Variants in CELA3A observed in about 807,000 individuals in gnomAD.
The protein encoded by CELA3A is chymotrypsin-like elastase family member 3A.
In CELA3A, 35 loss-of-function variants were observed where a neutral mutation model predicts 38.6. The observed-to-expected ratio is 0.91, with a 90% confidence interval of 0.69 to 1.20. The LOEUF (loss-of-function observed/expected upper bound fraction) is 1.20. CELA3A is among the 50% of genes most tolerant of loss of function. The pLI is 0.00. For synonymous variants in CELA3A, 143 were observed against 136.7 expected, an observed-to-expected ratio of 1.05 and a Z score of -0.32; for missense variants, 343 against 354.2, an observed-to-expected ratio of 0.97 and a Z score of 0.25.
In CELA3A at chr1:22,009,735, A is replaced by G. The variant is rs777120975; in HGVS notation, c.673A>G (p.Thr225Ala). Residue 225 changes from threonine to alanine, a missense_variant, in exon 7 of 8, where the codon ACA becomes GCA. By Grantham distance (58) the Thr-to-Ala change is moderately conservative (BLOSUM62 0). Transcript: ENST00000290122. Reference sequence around the variant, plus strand: ...CTCTGGAGGACCCCTCAACTGCCCCACAGAGGATGGTGGCTGGCAGGTCCA... The same window carrying G: ...CTCTGGAGGACCCCTCAACTGCCCCGCAGAGGATGGTGGCTGGCAGGTCCA... ...GDSGGPLNCPTEDGGWQVHGV... is the reference protein window; with the variant it reads ...GDSGGPLNCPAEDGGWQVHGV... 56 of 1,611,970 alleles carry G rather than the reference A, an allele frequency of 3.5e-5. 1 individual carries two copies. The highest frequency in any genetic ancestry group is 4.7e-5 in the Non-Finnish European group (55 of 1,179,410).
Position 22,003,098 on chromosome 1 carries a change from A to G in CELA3A, c.129+10A>G. The stretch of plus-strand genomic sequence containing the variant: ...CAGCTGGCCCTGGCAGGTAAGAGCA[A>G]TAGCAGCTGCCCTCATTCCCACCGT... On this transcript the variant is annotated intron_variant, in intron 2 of 7. Transcript: ENST00000290122. The G allele has an allele frequency of 6.3e-7, 1 of 1,576,074 alleles. No individual in the cohort carries two copies. The highest frequency in any genetic ancestry group is 1.1e-5 in the South Asian group (1 of 88,802).
At chr1:22,003,451 G>A (rs1373367113) in intron 2 of CELA3A, among the ~76,000 whole-genome samples, 1 of 150,960 alleles carries the variant, frequency 6.6e-6, no homozygotes, top group African/African-American at 2.5e-5. Flanking sequence ...CAATAAGGGA[G>A]TGAGGGATCT....
intron 2 of CELA3A, among the ~76,000 whole-genome samples, chr1:22,004,642 G>C (rs1195324414): frequency 6.6e-6 from 1 of 151,976 alleles, no homozygotes; most frequent in Admixed American, 6.5e-5. Flanking sequence ...TACAAAAACA[G>C]ACCAGAAGCC....
At chr1:22,003,163 C>T (rs959836422) in intron 2 of CELA3A, 75 bp downstream of exon 2, 17 of 1,335,122 alleles carry the variant, frequency 1.3e-5, no homozygotes, top group African/African-American at 5.1e-5. Context: ...GGCATCCAGC[C>T]TTGACACCAT....
At chr1:22,004,076 T>C (rs796568890) in intron 2 of CELA3A, among the ~76,000 whole-genome samples, 114 of 9,624 alleles carry the variant, frequency 0.012, 7 homozygotes, top group African/African-American at 0.095. Context: ...CTTTTCTTTG[T>C]TTTTTTTTTT....
rs1427632135 is a variant in CELA3A, at chr1:22,005,301, G to C, written c.130-146G>C. 51 of 950,622 alleles carry C rather than the reference G, an allele frequency of 5.4e-5. 2 individuals are homozygous for C. The highest frequency in any genetic ancestry group is 5.7e-5 in the Non-Finnish European group (35 of 617,944). 58.9% of individuals were successfully genotyped at this position (950,622 alleles called of 1,614,324 possible). A position where few individuals can be genotyped will look rare whatever the true frequency, so the allele number is the denominator to read the frequency against. On this transcript the variant is annotated intron_variant, in intron 2 of 7. Transcript: ENST00000290122. ...CGGGCAGCTGCCCAGGTCGCAGGTT[G>C]TATGCTGCATATTTCAGTGGGTGCT...
At position 22,001,708 on chromosome 1, in the gene CELA3A, G is replaced by C. The variant is rs770644714; in HGVS notation, c.34G>C (p.Val12Leu). Residue 12 changes from valine (V) to leucine (L), a missense_variant, in exon 1 of 8, where the codon GTG becomes CTG. Physicochemically the swap from Val to Leu is conservative, Grantham distance 32. Transcript: ENST00000290122. Reference protein sequence around the residue: ...MLRLLSSLLLVAVASGYGPPS... With the variant: ...MLRLLSSLLLLAVASGYGPPS... ...CCGGCTGCTCAGTTCCCTCCTCCTTGTGGCCGTTGGTAAGACCCCAACCTG... is the reference window on the plus strand; with the variant it reads ...CCGGCTGCTCAGTTCCCTCCTCCTTCTGGCCGTTGGTAAGACCCCAACCTG... 8.1e-6 allele frequency: 13 copies of C among 1,611,952 alleles called. No homozygotes were observed. Among genetic ancestry groups the C allele is most frequent in the Non-Finnish European group, 7.6e-6 (9 of 1,179,446 alleles).
At chr1:22,005,129 G>T (rs4993601) in intron 2 of CELA3A, among the ~76,000 whole-genome samples, 51,087 of 146,708 alleles carry the variant, frequency 0.35, 3,089 homozygotes, top group Middle Eastern at 0.49. Flanking sequence ...CAGGGCGAGG[G>T]GTGCGTGATA....
chr1:22,007,801 C>G (rs187562209), intron 6 of CELA3A, among the ~76,000 whole-genome samples: 2 of 151,426 alleles, frequency 1.3e-5, no homozygotes, highest in East Asian at 3.9e-4. Context: ...ATACTGGTCC[C>G]ATGACCTCTA....
intron 1 of CELA3A, among the ~76,000 whole-genome samples, 155 bp downstream of exon 1, chr1:22,001,872 G>T (rs377241302): frequency 6.6e-6 from 1 of 151,192 alleles, no homozygotes; most frequent in Non-Finnish European, 1.5e-5. Flanking sequence ...GGGGCTTTCA[G>T]CTTATGATGG....
chr1:22,005,829 C>G, intron 4 of CELA3A, 33 bp downstream of exon 4: 1 of 1,609,406 alleles, frequency 6.2e-7, no homozygotes, highest in Non-Finnish European at 8.5e-7. Flanking sequence ...AACCCAGGGG[C>G]TCCTCTACTT....
At chr1:22,006,728 T>C (rs557737471) in intron 4 of CELA3A, 150 bp from the exon 5 acceptor site, 26 of 723,436 alleles carry the variant, frequency 3.6e-5, no homozygotes, top group East Asian at 3.5e-4. Context: ...ATAATAATAA[T>C]AATAATAATA....
rs918236602 is a variant in CELA3A at position 22,010,153 on chromosome 1, A to G, written c.795+296A>G. On this transcript the variant is annotated intron_variant, in intron 7 of 7. Coordinates refer to ENST00000290122, the MANE Select transcript of CELA3A (RefSeq NM_005747.5). Reference sequence around the variant, plus strand: ...CTCTTGTCAGGGAGGATAGAGAGACATGCCAGACAAGAGGCTGCCTGGTGG... The same window carrying G: ...CTCTTGTCAGGGAGGATAGAGAGACGTGCCAGACAAGAGGCTGCCTGGTGG... 7.2e-6 allele frequency: 3 copies of G among 415,814 alleles called. 1 individual carries two copies. The highest frequency in any genetic ancestry group is 6.4e-5 in the African/African-American group (3 of 46,902). The allele number at this position is 415,814 out of a possible 1,614,324, so 25.8% of individuals were successfully genotyped here. A position where few individuals can be genotyped will look rare whatever the true frequency, so the allele number is the denominator to read the frequency against.
In CELA3A at chr1:22,005,948, G is replaced by A. The variant is rs1264706871; in HGVS notation, c.362+152G>A. 1.1e-5 allele frequency: 15 copies of A among 1,420,748 alleles called. No homozygotes were observed. The East Asian group carries it at 3.5e-4, about 34-fold the overall frequency. 88.0% of individuals were successfully genotyped at this position (1,420,748 alleles called of 1,614,324 possible). On this transcript the variant is annotated intron_variant, in intron 4 of 7. Transcript: ENST00000290122. The stretch of plus-strand genomic sequence containing the variant: ...AGCTGAGTCCAGCAGCCTGTGCCCA[G>A]GTCCCACACACTGAGGATTGAAGCC...
chr1:22,006,764 G>C, intron 4 of CELA3A, 114 bp from the exon 5 acceptor site: 2 of 1,274,758 alleles, frequency 1.6e-6, no homozygotes, highest in Non-Finnish European at 2.2e-6. Flanking sequence ...GAGTGGATTT[G>C]GAGGGTAAAG....
intron 2 of CELA3A, 143 bp from the exon 3 acceptor site, chr1:22,005,304 T>G (rs1644942656): frequency 1.0e-6 from 1 of 966,240 alleles, no homozygotes; most frequent in Non-Finnish European, 1.6e-6. Context: ...GCAGGTTGTA[T>G]GCTGCATATT....
At chr1:22,002,655 T>G (rs1307393519) in intron 1 of CELA3A, 1 of 427,556 alleles carries the variant, frequency 2.3e-6, no homozygotes, top group Admixed American at 3.0e-5. Flanking sequence ...GAGCTGCACT[T>G]TGAACCCAGG....
At position 22,001,845 on chromosome 1, in the gene CELA3A, C is replaced by A. The variant is rs1344486154; in HGVS notation, c.43+128C>A. 4.5e-6 allele frequency: 6 copies of A among 1,343,934 alleles called. No individual in the cohort carries two copies. In the Admixed American group the frequency reaches 5.1e-5, roughly 11 times the overall value. 83.3% of individuals were successfully genotyped at this position (1,343,934 alleles called of 1,614,324 possible). A position where few individuals can be genotyped will look rare whatever the true frequency, so the allele number is the denominator to read the frequency against. On this transcript the variant is annotated intron_variant, in intron 1 of 7. Coordinates refer to ENST00000290122, the MANE Select transcript of CELA3A (RefSeq NM_005747.5). ...CACAGGAGGGGGTCTCAGCTTGTACCCGGGGGCATGACTGTAGGGGCTTTC... is the reference window on the plus strand; with the variant it reads ...CACAGGAGGGGGTCTCAGCTTGTACACGGGGGCATGACTGTAGGGGCTTTC...
At chr1:22,011,603 TAA>T (rs1348275729) in intron 7 of CELA3A, among the ~76,000 whole-genome samples, 1 of 124,678 alleles carries the variant, frequency 8.0e-6, no homozygotes, top group African/African-American at 3.3e-5. Flanking sequence ...TACAAAAATA[TAA>T]AAAAATTGGC....
Sources: gnomAD v4.1 joint callset for allele counts (sites outside exome capture counted in the v4.1 genomes callset) on GRCh38, gnomAD v4.1.1 for gene constraint, MANE v1.5 for transcripts, NCBI Gene and HGNC (gene_info 2026-07-23, HGNC 2026-07-21) for gene names.